GNAI2: variants seen among roughly 807,000 people sequenced by gnomAD.
GNAI2 encodes G protein subunit alpha i2.
A neutral mutation model predicts 36.8 loss-of-function variants in GNAI2; 4 were observed. The observed-to-expected ratio is 0.11, with a 90% CI of 0.05 to 0.25. The LOEUF (loss-of-function observed/expected upper bound fraction) is 0.25, where lower values mean the gene tolerates loss of function less well. GNAI2 is among the 10% of genes least tolerant of loss of function. The pLI, the probability that GNAI2 is intolerant of heterozygous loss-of-function variation, is 1.00. For missense variants in GNAI2, 230 were observed against 481.3 expected, an observed-to-expected ratio of 0.48 and a Z score of 4.89; for synonymous variants, 194 against 194.1, an observed-to-expected ratio of 1.00 and a Z score of 0.01.
chr3:50,252,621 C>T lies in GNAI2; in HGVS notation c.303+83C>T. ...TGTGGTGGCTCATGCCTATAAATCCCAGCACTTTGGGACGCCGAGGCGGGT... is the reference window on the plus strand; with the variant it reads ...TGTGGTGGCTCATGCCTATAAATCCTAGCACTTTGGGACGCCGAGGCGGGT... On this transcript the variant is annotated intron_variant, in intron 3 of 8. Transcript: ENST00000313601. This position sits in a 1 kb window ranked among gnomAD's most constrained non-coding sequence, Gnocchi z 4.1. 1 of 1,230,964 alleles carries T rather than the reference C, an allele frequency of 8.1e-7. No individual in the cohort carries two copies. Among genetic ancestry groups the T allele is most frequent in the Non-Finnish European group, 1.2e-6 (1 of 863,954 alleles). 76.3% of individuals were successfully genotyped at this position (1,230,964 alleles called of 1,614,324 possible).
rs1700618768 is a variant in GNAI2 at position 50,253,623 on chromosome 3, A to T, written c.464+439A>T. On this transcript the variant is annotated intron_variant, in intron 4 of 8. Coordinates refer to ENST00000313601, the MANE Select transcript of GNAI2 (RefSeq NM_002070.4). This position sits in a 1 kb window ranked among gnomAD's most constrained non-coding sequence, Gnocchi z 4.2. Reference sequence around the variant, plus strand: ...GCCGGGCGTGGTGGAGGGCGCCTGTAGTCCCAGCTACTCAGGAGGCTGAGG... The same window carrying T: ...GCCGGGCGTGGTGGAGGGCGCCTGTTGTCCCAGCTACTCAGGAGGCTGAGG... 6.6e-6 allele frequency among the ~76,000 whole-genome samples: 1 copy of T among 152,218 alleles called. No homozygotes were observed. The highest frequency in any genetic ancestry group is 2.4e-5 in the African/African-American group (1 of 41,462).
Position 50,252,233 on chromosome 3 carries a change from A to G in GNAI2, c.161+91A>G. 3.5e-6 allele frequency: 5 copies of G among 1,439,040 alleles called. No individual in the cohort carries two copies. Among genetic ancestry groups the G allele is most frequent in the Non-Finnish European group, 3.9e-6 (4 of 1,026,214 alleles). The allele number at this position is 1,439,040 out of a possible 1,614,324, so 89.1% of individuals were successfully genotyped here. On this transcript the variant is annotated intron_variant, in intron 2 of 8. Transcript: ENST00000313601. The surrounding 1 kb of genome is among the most constrained non-coding windows in gnomAD (Gnocchi z 4.1). ...ACTGCCCCCGACTACAGGCCCAGCC[A>G]GTCTTAGCCAGGCCCAGAATCTTCT...
chr3:50,251,988 G>C (rs1700568694), intron 1 of GNAI2, 112 bp from the exon 2 acceptor site: 2 of 1,085,612 alleles, frequency 1.8e-6, no homozygotes, highest in African/African-American at 1.6e-5. Flanking sequence ...TCACGGTGCA[G>C]CTGGTGGGAA....
In GNAI2 at chr3:50,242,369, AG is replaced by A. The variant is rs1700318040; in HGVS notation, c.118+5917del. The stretch of plus-strand genomic sequence containing the variant: ...CTCAGGCCAGGAATCCCAGCCTAGG[AG>A]TTGAGCGAGGAGGGGAAGGGGTCAG... On this transcript the variant is annotated intron_variant, in intron 1 of 8. Coordinates refer to ENST00000313601, the MANE Select transcript of GNAI2 (RefSeq NM_002070.4). The surrounding 1 kb of genome is among the most constrained non-coding windows in gnomAD (Gnocchi z 4.8). Among the ~76,000 whole-genome samples, 1 of 152,148 alleles carries A rather than the reference AG, an allele frequency of 6.6e-6. No individual in the cohort carries two copies. The highest frequency in any genetic ancestry group is 2.1e-4 in the South Asian group (1 of 4,830).
chr3:50,257,470 C>T (rs1553703418), intron 7 of GNAI2, 30 bp from the exon 8 acceptor site: 2 of 1,481,602 alleles, frequency 1.3e-6, no homozygotes, highest in South Asian at 2.6e-5. Context: ...GCCACACATG[C>T]AGCACAAGTC....
rs1700657815 is a variant in GNAI2, at chr3:50,255,083, A to G, written c.465-1109A>G. Among the ~76,000 whole-genome samples, 1 of 152,168 alleles carries G rather than the reference A, an allele frequency of 6.6e-6. No homozygotes were observed. On this transcript the variant is annotated intron_variant, in intron 4 of 8. Coordinates refer to ENST00000313601, the MANE Select transcript of GNAI2 (RefSeq NM_002070.4). The surrounding 1 kb of genome is among the most constrained non-coding windows in gnomAD (Gnocchi z 4.0). ...CACAGCACATGCGTCATCCTTCCCC[A>G]TGGCCCTTCCTGTTTTTCTGTTTTG...
At chr3:50,233,644 G>A (rs1426949501), upstream of GNAI2, among the ~76,000 whole-genome samples, 1 of 152,208 alleles carries the variant, frequency 6.6e-6, no homozygotes, top group South Asian at 2.1e-4. Context: ...TGTGGCCCTG[G>A]TGGACATTAT....
chr3:50,237,865 G>A (rs1700215036), intron 1 of GNAI2, among the ~76,000 whole-genome samples: 1 of 152,228 alleles, frequency 6.6e-6, no homozygotes, highest in African/African-American at 2.4e-5. Context: ...AACTGTCATA[G>A]GGCTCCCAGG....
intron 8 of GNAI2, 135 bp downstream of exon 8, chr3:50,257,849 G>C: frequency 3.5e-6 from 2 of 574,152 alleles, no homozygotes; most frequent in Non-Finnish European, 6.1e-6. Flanking sequence ...GACAAGGGAG[G>C]AGAAGGCCCA....
At chr3:50,257,756 A>C in intron 8 of GNAI2, 42 bp downstream of exon 8, 6 of 709,214 alleles carry the variant, frequency 8.5e-6, no homozygotes, top group Non-Finnish European at 1.1e-5. Flanking sequence ...GGAAGAACTA[A>C]GCGGGCCTGG....
chr3:50,227,261 T>G (rs920853704), upstream of GNAI2: 11 of 885,254 alleles, frequency 1.2e-5, no homozygotes, highest in Non-Finnish European at 1.7e-5. This position sits in a 1 kb window ranked among gnomAD's most constrained non-coding sequence, Gnocchi z 5.9. Context: ...GCAAGGGGGA[T>G]GGGGTGCCAC....
intron 4 of GNAI2, among the ~76,000 whole-genome samples, chr3:50,254,148 C>G (rs1553702886): frequency 6.6e-6 from 1 of 152,076 alleles, no homozygotes; most frequent in Non-Finnish European, 1.5e-5. Context: ...AAGCCTGCAC[C>G]CTTTCCACAG....
intron 6 of GNAI2, 41 bp downstream of exon 6, chr3:50,256,893 T>C (rs782256906): frequency 8.1e-6 from 13 of 1,613,636 alleles, no homozygotes; most frequent in Admixed American, 3.3e-5. Flanking sequence ...GGCAGCGGGC[T>C]TGGGGAGTGG....
intron 1 of GNAI2, among the ~76,000 whole-genome samples, chr3:50,249,084 C>T (rs367807948): frequency 5.3e-5 from 8 of 152,306 alleles, no homozygotes; most frequent in African/African-American, 1.9e-4. Context: ...GCAGGAGTCC[C>T]GAAGTCACAC....
chr3:50,252,942 GC>G lies in GNAI2; in HGVS notation c.304-78del. On this transcript the variant is annotated intron_variant, in intron 3 of 8. Coordinates refer to ENST00000313601, the MANE Select transcript of GNAI2 (RefSeq NM_002070.4). The surrounding 1 kb of genome is among the most constrained non-coding windows in gnomAD (Gnocchi z 4.1). Reference sequence around the variant, plus strand: ...GGAATCCAAGAATACCCTAGCCTGGGCCCCATTCCAGAGGTCTCCCTGCCTC... The same window carrying G: ...GGAATCCAAGAATACCCTAGCCTGGGCCCATTCCAGAGGTCTCCCTGCCTC... 9.0e-7 allele frequency: 1 copy of G among 1,116,456 alleles called. No homozygotes were observed. The highest frequency in any genetic ancestry group is 1.3e-6 in the Non-Finnish European group (1 of 774,552). The allele number at this position is 1,116,456 out of a possible 1,614,324, so 69.2% of individuals were successfully genotyped here.
At position 50,256,044 on chromosome 3, in the gene GNAI2, C is replaced by CAAA. The variant is rs1170893603; in HGVS notation, c.465-121_465-119dup. ...CTGGCAACAGAGTAACACTCTGTCT[C>CAAA]AAAAAAAAAAAAAAAAAAAAAAAAA... On this transcript the variant is annotated intron_variant, in intron 4 of 8. Coordinates refer to ENST00000313601, the MANE Select transcript of GNAI2 (RefSeq NM_002070.4). 604 of 142,636 alleles carry CAAA rather than the reference C, an allele frequency of 4.2e-3. 1 individual carries two copies. Among genetic ancestry groups the CAAA allele is most frequent in the South Asian group, 6.5e-3 (159 of 24,304 alleles). The allele number at this position is 142,636 out of a possible 1,614,324, so 8.8% of individuals were successfully genotyped here.
chr3:50,249,211 G>A (rs1187620931), intron 1 of GNAI2, among the ~76,000 whole-genome samples: 1 of 152,120 alleles, frequency 6.6e-6, no homozygotes, highest in African/African-American at 2.4e-5. Context: ...TCGCATCCTT[G>A]GCCTCTGCTC....
Position 50,259,315 on chromosome 3 carries a change from C to T in GNAI2, c.*972C>T, listed in dbSNP as rs895374001. 1 of 162,612 alleles carries T rather than the reference C, an allele frequency of 6.1e-6. No individual in the cohort carries two copies. Among genetic ancestry groups the T allele is most frequent in the South Asian group, 1.4e-4 (1 of 6,954 alleles). 10.1% of individuals were successfully genotyped at this position (162,612 alleles called of 1,614,324 possible). A position where few individuals can be genotyped will look rare whatever the true frequency, so the allele number is the denominator to read the frequency against. ...TTTTCACATGTTTTATGGAATTGTTCACCTGGTTTGAAATAATAAAATGTA... is the reference window on the plus strand; with the variant it reads ...TTTTCACATGTTTTATGGAATTGTTTACCTGGTTTGAAATAATAAAATGTA... On this transcript the variant is annotated 3_prime_UTR_variant, in exon 9 of 9. Coordinates refer to ENST00000313601, the MANE Select transcript of GNAI2 (RefSeq NM_002070.4).
chr3:50,244,213 G>A (rs1700363400), intron 1 of GNAI2, among the ~76,000 whole-genome samples: 1 of 151,998 alleles, frequency 6.6e-6, no homozygotes, highest in South Asian at 2.1e-4. Context: ...ATTTTTAATA[G>A]AGACGGGGTT....
Sources: allele counts gnomAD v4.1 joint callset (sites outside exome capture counted in the v4.1 genomes callset), GRCh38; gene constraint gnomAD v4.1.1; non-coding constraint Gnocchi (gnomAD v3.1); transcripts MANE v1.5; gene names NCBI Gene and HGNC (gene_info 2026-07-23, HGNC 2026-07-21).